Variants in SLC45A4 observed in about 807,000 individuals in gnomAD.
The protein encoded by SLC45A4 is solute carrier family 45 member 4, also known as polyamine-transporter SLC45A4.
In SLC45A4, 32 loss-of-function variants were observed where a neutral mutation model predicts 63.7. The observed-to-expected ratio is 0.50, with a 90% CI of 0.38 to 0.67. The LOEUF is 0.67. Ranked by LOEUF, SLC45A4 falls within the 30% of genes least tolerant of loss-of-function variation. The pLI is 0.00. For synonymous variants in SLC45A4, 535 were observed against 510.0 expected (o/e 1.05, Z -0.66); for missense variants, 1,027 against 1,157.7 (o/e 0.89, Z 1.64).
At chr8:141,247,005 G>A (rs1452263558) in intron 2 of SLC45A4, among the ~76,000 whole-genome samples, 1 of 151,972 alleles carries the variant, frequency 6.6e-6, no homozygotes, top group Non-Finnish European at 1.5e-5. Flanking sequence ...CAAGTAAGCA[G>A]AAGAAAACAA....
intron 1 of SLC45A4, among the ~76,000 whole-genome samples, chr8:141,267,336 C>A (rs1025084979): frequency 4.6e-5 from 7 of 152,262 alleles, no homozygotes; most frequent in Admixed American, 4.6e-4. Flanking sequence ...GGCTCCTGCA[C>A]TGGAGTGGAG....
chr8:141,217,900 C>T (rs1166940954), intron 5 of SLC45A4, 111 bp downstream of exon 5: 3 of 1,333,494 alleles, frequency 2.2e-6, no homozygotes, highest in Admixed American at 4.9e-5. Flanking sequence ...TGTGTGGCCT[C>T]CCTGACACGC....
intron 1 of SLC45A4, among the ~76,000 whole-genome samples, chr8:141,304,125 C>T (rs1437282721): frequency 6.6e-6 from 1 of 152,170 alleles, no homozygotes; most frequent in Non-Finnish European, 1.5e-5. Flanking sequence ...CCCAGCCCCT[C>T]TAACTTAAGA....
intron 1 of SLC45A4, among the ~76,000 whole-genome samples, chr8:141,286,849 C>A (rs1830167176): frequency 6.6e-6 from 1 of 151,368 alleles, no homozygotes; most frequent in Non-Finnish European, 1.5e-5. Flanking sequence ...TCTTCACAAA[C>A]TACTTTAAAC....
At position 141,215,636 on chromosome 8, in the gene SLC45A4, G is replaced by T; in HGVS notation, c.1941+123C>A. ...CTTTGGAAGGGGCCATCTCAGAACCGGAGAGGAAGGAGGGCCATCTGTGTC... is the reference window on the plus strand; with the variant it reads ...CTTTGGAAGGGGCCATCTCAGAACCTGAGAGGAAGGAGGGCCATCTGTGTC... On this transcript the variant is annotated intron_variant, in intron 7 of 8. Transcript: ENST00000517878. This position sits in a 1 kb window ranked among gnomAD's most constrained non-coding sequence, Gnocchi z 4.3. The T allele has an allele frequency of 1.0e-6, 1 of 971,718 alleles. No homozygotes were observed. The highest frequency in any genetic ancestry group is 1.6e-6 in the Non-Finnish European group (1 of 644,578). The allele number at this position is 971,718 out of a possible 1,614,324, so 60.2% of individuals were successfully genotyped here.
At chr8:141,292,097 C>T (rs1437517573) in intron 1 of SLC45A4, among the ~76,000 whole-genome samples, 5 of 152,236 alleles carry the variant, frequency 3.3e-5, no homozygotes, top group Non-Finnish European at 7.3e-5. Context: ...AACCAGACCT[C>T]ACGGCCCTAC....
At chr8:141,300,894 G>A (rs1433271480) in intron 1 of SLC45A4, among the ~76,000 whole-genome samples, 2 of 152,238 alleles carry the variant, frequency 1.3e-5, no homozygotes, top group African/African-American at 4.8e-5. Flanking sequence ...ACATGGAGCA[G>A]CACGGACCCC....
chr8:141,297,024 C>T (rs1040582869), intron 1 of SLC45A4, among the ~76,000 whole-genome samples: 20 of 152,120 alleles, frequency 1.3e-4, no homozygotes, highest in Admixed American at 2.0e-4. Context: ...TGCAAAGCCA[C>T]CTGGTCTACG....
At chr8:141,263,186 G>A (rs1375381325) in intron 1 of SLC45A4, among the ~76,000 whole-genome samples, 2 of 143,186 alleles carry the variant, frequency 1.4e-5, no homozygotes, top group Non-Finnish European at 3.0e-5. Context: ...GACACAGGAA[G>A]GGGACCGTCA....
rs777432113 is a variant in SLC45A4, at chr8:141,218,418, T to A, written c.1222A>T (p.Thr408Ser). The A allele has an allele frequency of 5.6e-5, 90 of 1,611,200 alleles. No homozygotes were observed. The highest frequency in any genetic ancestry group is 7.1e-5 in the Non-Finnish European group (84 of 1,179,920). ...CGCCGCCGCCGCATGGAGCTCGACG[T>A]GGCCGAGGGCTTCGTGTCCACCCTG... ...YTRVDTKPSA[T>S]SSSMRRRRHA... Residue 408 changes from threonine to serine, a missense_variant, in exon 5 of 9, where the codon ACG becomes TCG. By Grantham distance (58) the Thr-to-Ser change is moderately conservative. Transcript: ENST00000517878.
intron 2 of SLC45A4, chr8:141,228,139 T>G: frequency 6.2e-7 from 1 of 1,613,176 alleles, no homozygotes. Context: ...GATGGAGTGA[T>G]CTGGGTGGAG....
rs1417648638 is a variant in SLC45A4 at position 141,211,805 on chromosome 8, A to G, written c.2302-108T>C. 6 of 1,344,136 alleles carry G rather than the reference A, an allele frequency of 4.5e-6. No homozygotes were observed. In the African/African-American group the frequency reaches 9.1e-5, roughly 20 times the overall value. The allele number at this position is 1,344,136 out of a possible 1,614,324, so 83.3% of individuals were successfully genotyped here. A position where few individuals can be genotyped will look rare whatever the true frequency, so the allele number is the denominator to read the frequency against. ...AGAATGTCAGATTTTGTTTTCAATT[A>G]TAATTTTAGAAATGCAAAATCTTAT... On this transcript the variant is annotated intron_variant, in intron 8 of 8. Transcript: ENST00000517878.
chr8:141,229,274 G>A lies in SLC45A4; in HGVS notation c.242-7509C>T, dbSNP rs575248648. The stretch of plus-strand genomic sequence containing the variant: ...CTAAAACCCACTGCTTGCACCTGCC[G>A]TGGCGTCCAGGGCCCTCAAAGTCCT... On this transcript the variant is annotated intron_variant, in intron 2 of 8. Coordinates refer to ENST00000517878, the MANE Select transcript of SLC45A4 (RefSeq NM_001286646.2). This position sits in a 1 kb window ranked among gnomAD's most constrained non-coding sequence, Gnocchi z 5.0. Among the ~76,000 whole-genome samples, 13 of 152,072 alleles carry A rather than the reference G, an allele frequency of 8.5e-5. No homozygotes were observed. The East Asian group carries it at 2.3e-3, about 27-fold the overall frequency.
In SLC45A4 at chr8:141,228,287, C is replaced by T. The variant is rs1016570118; in HGVS notation, c.242-6522G>A. The T allele has an allele frequency of 4.3e-6, 7 of 1,612,244 alleles. No individual in the cohort carries two copies. In the East Asian group the frequency reaches 8.9e-5, roughly 21 times the overall value. ...CCCATAGATGATGCTGTCCCTGCCGCCCTGTGCCAGGCACCTCCCAGCAAC... is the reference window on the plus strand; with the variant it reads ...CCCATAGATGATGCTGTCCCTGCCGTCCTGTGCCAGGCACCTCCCAGCAAC... On this transcript the variant is annotated intron_variant, in intron 2 of 8. Transcript: ENST00000517878.
At chr8:141,237,824 C>T (rs1370973882) in intron 2 of SLC45A4, among the ~76,000 whole-genome samples, 1 of 152,196 alleles carries the variant, frequency 6.6e-6, no homozygotes, top group African/African-American at 2.4e-5. Context: ...CCCGTTTCAC[C>T]TCCAGCCCTG....
intron 7 of SLC45A4, among the ~76,000 whole-genome samples, chr8:141,214,414 C>T (rs1002619868): frequency 2.0e-5 from 3 of 152,122 alleles, no homozygotes; most frequent in African/African-American, 7.2e-5. Flanking sequence ...CCCAAAGAAT[C>T]TCCAGATGTG....
intron 6 of SLC45A4, 97 bp downstream of exon 6, chr8:141,216,993 T>C (rs1826193278): frequency 2.4e-6 from 3 of 1,252,944 alleles, no homozygotes; most frequent in South Asian, 1.3e-5. Flanking sequence ...GTGCGACTGA[T>C]GGCCCCAGCT....
intron 1 of SLC45A4, among the ~76,000 whole-genome samples, chr8:141,303,070 T>C (rs1830797290): frequency 6.9e-6 from 1 of 145,722 alleles, no homozygotes; most frequent in Non-Finnish European, 1.5e-5. Context: ...TGATCTCCCC[T>C]CACTGCAGCC....
At chr8:141,300,635 C>CG (rs1213312953) in intron 1 of SLC45A4, among the ~76,000 whole-genome samples, 6 of 152,178 alleles carry the variant, frequency 3.9e-5, no homozygotes, top group Non-Finnish European at 5.9e-5. Context: ...GGAAGAAGGG[C>CG]GGAGCAGGGT....
Sources: gnomAD v4.1 joint callset for allele counts (sites outside exome capture counted in the v4.1 genomes callset) on GRCh38, gnomAD v4.1.1 for gene constraint, Gnocchi (gnomAD v3.1) non-coding constraint, MANE v1.5 for transcripts, NCBI Gene and HGNC (gene_info 2026-07-23, HGNC 2026-07-21) for gene names.